USP2: variants seen among roughly 807,000 people sequenced by gnomAD.
USP2 encodes the protein ubiquitin specific peptidase 2, also known as ubiquitin carboxyl-terminal hydrolase 2.
In USP2, 33 loss-of-function variants were observed where a neutral mutation model predicts 72.0. That is an observed-to-expected ratio of 0.46 (90% CI 0.35 to 0.61). USP2 has a LOEUF of 0.61. Among genes scored for constraint, USP2 ranks in the 20% least tolerant of loss-of-function variants. The pLI is 0.01. For synonymous variants in USP2, 296 were observed against 312.5 expected, an observed-to-expected ratio of 0.95 and a Z score of 0.56; for missense variants, 691 against 797.8, an observed-to-expected ratio of 0.87 and a Z score of 1.61.
chr11:119,358,645 G>C, intron 7 of USP2, 128 bp downstream of exon 7: 1 of 1,145,082 alleles, frequency 8.7e-7, no homozygotes. Flanking sequence ...TGCTGTTCCT[G>C]CTTTGCTTTG....
At chr11:119,364,562 C>G (rs1279913286) in intron 2 of USP2, among the ~76,000 whole-genome samples, 1 of 152,238 alleles carries the variant, frequency 6.6e-6, no homozygotes, top group African/African-American at 2.4e-5. Context: ...ATTACACTTC[C>G]TAACTCTTGA....
At chr11:119,371,758 C>T (rs1037449198) in intron 2 of USP2, among the ~76,000 whole-genome samples, 1 of 152,062 alleles carries the variant, frequency 6.6e-6, no homozygotes, top group African/African-American at 2.4e-5. Flanking sequence ...GCCCTTCTGC[C>T]CATATGCTTG....
chr11:119,373,665 A>G (rs1950965505), intron 1 of USP2, 144 bp from the exon 2 acceptor site: 2 of 776,362 alleles, frequency 2.6e-6, no homozygotes, highest in African/African-American at 3.5e-5. Context: ...AGAAGCACAC[A>G]TGCACGCAGG....
intron 2 of USP2, among the ~76,000 whole-genome samples, chr11:119,361,268 T>C (rs1950760989): frequency 6.6e-6 from 1 of 152,236 alleles, no homozygotes; most frequent in African/African-American, 2.4e-5. Context: ...GTTGGCCCTA[T>C]AGCGGAGGCG....
Position 119,359,674 on chromosome 11 carries a change from C to G in USP2, c.826-14G>C. Reference sequence around the variant, plus strand: ...GTTCATGAAGCACTGCAAGAGATGACCAGGCAATCAGTGGGGAGACGAGAG... The same window carrying G: ...GTTCATGAAGCACTGCAAGAGATGAGCAGGCAATCAGTGGGGAGACGAGAG... On this transcript the variant is annotated splice_polypyrimidine_tract_variant and intron_variant, in intron 3 of 12. Coordinates refer to ENST00000260187, the MANE Select transcript of USP2 (RefSeq NM_004205.5). 6.2e-7 allele frequency: 1 copy of G among 1,612,412 alleles called. No individual in the cohort carries two copies. Among genetic ancestry groups the G allele is most frequent in the Non-Finnish European group, 8.5e-7 (1 of 1,179,722 alleles).
chr11:119,379,143 T>C, intron 1 of USP2: 1 of 985,442 alleles, frequency 1.0e-6, no homozygotes, highest in Non-Finnish European at 1.2e-6. Flanking sequence ...CTCCGATATA[T>C]ATAGTATCTT....
intron 7 of USP2, among the ~76,000 whole-genome samples, chr11:119,358,460 T>G (rs1474002296): frequency 6.6e-6 from 1 of 152,086 alleles, no homozygotes; most frequent in African/African-American, 2.4e-5. Flanking sequence ...GGATTACAGG[T>G]GCCCACCACC....
intron 1 of USP2, among the ~76,000 whole-genome samples, chr11:119,375,332 A>C (rs965302021): frequency 3.3e-5 from 5 of 152,214 alleles, no homozygotes; most frequent in Non-Finnish European, 7.4e-5. Context: ...CCGGAACAGC[A>C]TTCCTTGACC....
At position 119,372,815 on chromosome 11, in the gene USP2, T is replaced by G; in HGVS notation, c.666A>C (p.Glu222Asp). 1 of 1,606,866 alleles carries G rather than the reference T, an allele frequency of 6.2e-7. No homozygotes were observed. The highest frequency in any genetic ancestry group is 8.5e-7 in the Non-Finnish European group (1 of 1,176,790). The change falls in exon 2 of 13, where the codon GAA becomes GAC. Residue 222 changes from glutamate (E) to aspartate (D), a missense_variant. Physicochemically the swap from Glu to Asp is conservative, Grantham distance 45. Transcript: ENST00000260187. ...TGGGTCGGTAGGTTGGGCTGATGAT[T>G]TCAGGGACTCGTGAGGGAGGGGCCT... ...PSQAPPSRVP[E>D]IISPTYRPIG...
chr11:119,363,745 G>A (rs1950804600), intron 2 of USP2: 4 of 876,532 alleles, frequency 4.6e-6, no homozygotes, highest in South Asian at 3.0e-5. Context: ...TGGGGGCTGG[G>A]AAGAATCCGT....
chr11:119,362,040 C>T (rs762334289), intron 2 of USP2, among the ~76,000 whole-genome samples: 10 of 152,210 alleles, frequency 6.6e-5, no homozygotes, highest in South Asian at 2.1e-4. Context: ...CCCACCCTTA[C>T]GTCTATTTTT....
At position 119,372,791 on chromosome 11, in the gene USP2, G is replaced by A; in HGVS notation, c.690C>T (p.Pro230=). Residue 230 remains proline (P), a synonymous_variant, in exon 2 of 13, where the codon CCC becomes CCT. Coordinates refer to ENST00000260187, the MANE Select transcript of USP2 (RefSeq NM_004205.5). ...TCTCCCACAGCGTGTAGCGGCCAAT[G>A]GGTCGGTAGGTTGGGCTGATGATTT... ...VPEIISPTYR[P]IGRYTLWETG... 3 of 1,598,286 alleles carry A rather than the reference G, an allele frequency of 1.9e-6. No homozygotes were observed. The highest frequency in any genetic ancestry group is 1.7e-6 in the Non-Finnish European group (2 of 1,173,100).
At position 119,359,023 on chromosome 11, in the gene USP2, C is replaced by A; in HGVS notation, c.1172+1G>T. On this transcript the variant is annotated splice_donor_variant, in intron 6 of 12. Coordinates refer to ENST00000260187, the MANE Select transcript of USP2 (RefSeq NM_004205.5). LOFTEE classifies it high-confidence loss of function. ...TCCCACAGCATTCTCCTCTTACTTA[C>A]GGAAGATGATCGAGGTTCTCAGGGT... 6.2e-7 allele frequency: 1 copy of A among 1,613,744 alleles called. No individual in the cohort carries two copies. The highest frequency in any genetic ancestry group is 8.5e-7 in the Non-Finnish European group (1 of 1,179,764).
rs1199047758 is a variant in USP2 at position 119,373,048 on chromosome 11, C to A, written c.433G>T (p.Asp145Tyr). ...TLTQKLDSQSDLARDFSSLRT... is the reference protein window; with the variant it reads ...TLTQKLDSQSYLARDFSSLRT... ...AGGCTGGAGAAATCCCGGGCCAGGT[C>A]TGATTGGCTGTCCAGCTTCTGGGTT... Residue 145 changes from aspartate to tyrosine, a missense_variant, in exon 2 of 13, where the codon GAC becomes TAC. Coordinates refer to ENST00000260187, the MANE Select transcript of USP2 (RefSeq NM_004205.5). 9.3e-6 allele frequency: 15 copies of A among 1,613,862 alleles called. No individual in the cohort carries two copies. Among genetic ancestry groups the A allele is most frequent in the Admixed American group, 1.7e-5 (1 of 60,006 alleles).
In USP2 at chr11:119,359,859, T is replaced by C. The variant is rs564092043; in HGVS notation, c.826-199A>G. Among the ~76,000 whole-genome samples the C allele has an allele frequency of 7.2e-5, 11 of 152,242 alleles. No homozygotes were observed. The East Asian group carries it at 1.7e-3, about 24-fold the overall frequency. ...CCCACTCCAGGCATAGGTGACCTAA[T>C]TGGTTATTTACTATAGAGGTGCACA... On this transcript the variant is annotated intron_variant, in intron 3 of 12. Transcript: ENST00000260187.
chr11:119,378,073 C>T (rs552920014), intron 1 of USP2, among the ~76,000 whole-genome samples: 6 of 152,206 alleles, frequency 3.9e-5, no homozygotes, highest in African/African-American at 1.2e-4. Flanking sequence ...CAGCCAGTCC[C>T]GCCAGGTGGT....
chr11:119,363,871 C>T (rs1788213380), intron 2 of USP2: 5 of 1,420,566 alleles, frequency 3.5e-6, no homozygotes, highest in Non-Finnish European at 4.6e-6. Flanking sequence ...GAGCAGGAGC[C>T]CCACGAAGGT....
At chr11:119,376,274 G>C in intron 1 of USP2, 1 of 985,664 alleles carries the variant, frequency 1.0e-6, no homozygotes, top group Non-Finnish European at 1.2e-6. Flanking sequence ...CAGGAGAGCG[G>C]GCTGGGGCCC....
intron 1 of USP2, among the ~76,000 whole-genome samples, chr11:119,375,084 G>A (rs1302479424): frequency 6.6e-6 from 1 of 152,204 alleles, no homozygotes; most frequent in African/African-American, 2.4e-5. Flanking sequence ...GCCAGCCTCT[G>A]GCCTCAGCTT....
Sources: gnomAD v4.1 joint callset for allele counts (sites outside exome capture counted in the v4.1 genomes callset) on GRCh38, gnomAD v4.1.1 for gene constraint, MANE v1.5 for transcripts, NCBI Gene and HGNC (gene_info 2026-07-23, HGNC 2026-07-21) for gene names.